XIRP2: variants seen among roughly 807,000 people sequenced by gnomAD.
XIRP2 encodes xin actin binding repeat containing 2, also known as xin actin-binding repeat-containing protein 2.
XIRP2 carries 236 observed loss-of-function variants against 277.0 expected under a neutral mutation model. That is an observed-to-expected ratio of 0.85 (90% CI 0.77 to 0.95). The LOEUF is 0.95. Among genes scored for constraint, XIRP2 ranks in the 40% least tolerant of loss-of-function variants. The probability of loss-of-function intolerance (pLI) is 0.00; values close to 1 mark genes in which losing one functional copy is unlikely to be tolerated. For synonymous variants in XIRP2, 1,490 were observed against 1,416.5 expected (o/e 1.05, Z -1.17); for missense variants, 4,640 against 4,157.5 (o/e 1.12, Z -3.19).
intron 2 of XIRP2, among the ~76,000 whole-genome samples, chr2:166,930,206 T>C (rs1322370318): frequency 6.6e-6 from 1 of 152,130 alleles, no homozygotes; most frequent in Non-Finnish European, 1.5e-5. Context: ...ATGGGATGCA[T>C]AGTAGCACCC....
At chr2:166,953,534 C>T (rs1686089739) in intron 2 of XIRP2, among the ~76,000 whole-genome samples, 3 of 151,890 alleles carry the variant, frequency 2.0e-5, no homozygotes, top group Admixed American at 1.3e-4. Context: ...AGAAATAGTT[C>T]AATTCCATTT....
chr2:167,184,187 C>A (rs1021746130), intron 3 of XIRP2, among the ~76,000 whole-genome samples: 3 of 152,160 alleles, frequency 2.0e-5, no homozygotes, highest in Admixed American at 6.5e-5. Context: ...CTGCTAGGGC[C>A]AAGACAGATT....
chr2:167,008,829 T>C (rs1044845429), intron 2 of XIRP2, among the ~76,000 whole-genome samples: 2 of 151,458 alleles, frequency 1.3e-5, no homozygotes, highest in Admixed American at 6.6e-5. Flanking sequence ...AATTTTATAT[T>C]TCATATTTTC....
At chr2:167,107,373 C>A (rs1448720725) in intron 2 of XIRP2, among the ~76,000 whole-genome samples, 3 of 151,818 alleles carry the variant, frequency 2.0e-5, no homozygotes, top group Non-Finnish European at 4.4e-5. Flanking sequence ...TTGTGGAAGT[C>A]TTCCTCAATT....
intron 2 of XIRP2, among the ~76,000 whole-genome samples, chr2:167,041,968 C>T (rs1191190954): frequency 6.6e-6 from 1 of 152,110 alleles, no homozygotes; most frequent in Non-Finnish European, 1.5e-5. Context: ...TAAAGGGAAC[C>T]CTATCAGGCT....
At chr2:167,237,876 G>T (rs1049359317) in intron 5 of XIRP2, among the ~76,000 whole-genome samples, 1 of 152,162 alleles carries the variant, frequency 6.6e-6, no homozygotes, top group African/African-American at 2.4e-5. Flanking sequence ...TGTCACAGAG[G>T]TAAAGAGCTG....
Position 166,902,235 on chromosome 2 carries a change from G to A in XIRP2, c.-18-1230G>A, listed in dbSNP as rs570758432. Among the ~76,000 whole-genome samples the A allele has an allele frequency of 4.6e-5, 7 of 152,070 alleles. No homozygotes were observed. In the South Asian group the frequency reaches 1.0e-3, roughly 23 times the overall value. ...ATTATCTTTAAAAGTGAAGGAGTTC[G>A]GAGTAGAAAATATCACCAGGCAGTT... On this transcript the variant is annotated intron_variant, in intron 1 of 10. Transcript: ENST00000409195.
chr2:167,125,745 C>T (rs1383704184), intron 2 of XIRP2, among the ~76,000 whole-genome samples: 3 of 152,030 alleles, frequency 2.0e-5, no homozygotes, highest in African/African-American at 7.2e-5. Context: ...TTTTCTGGTT[C>T]TTTATTGTTG....
At chr2:167,193,876 T>C (rs117479403) in intron 3 of XIRP2, among the ~76,000 whole-genome samples, 1,017 of 98,628 alleles carry the variant, frequency 0.01, 32 homozygotes, top group East Asian at 0.099. Context: ...TGAGACTCTG[T>C]CTCAAAAAAA....
chr2:166,902,029 C>T (rs904128437), intron 1 of XIRP2, among the ~76,000 whole-genome samples: 8 of 151,992 alleles, frequency 5.3e-5, no homozygotes, highest in African/African-American at 1.9e-4. Context: ...AAGTTTTATA[C>T]GCATCATCAA....
chr2:166,997,377 T>C (rs1687248208), intron 2 of XIRP2, among the ~76,000 whole-genome samples: 1 of 152,180 alleles, frequency 6.6e-6, no homozygotes. Context: ...AATTAATAAC[T>C]CACATAACCT....
chr2:167,247,755 T>C lies in XIRP2; in HGVS notation c.6363T>C (p.Val2121=). The change falls in exon 9 of 11, where the codon GTT becomes GTC. Residue 2121 remains valine, a synonymous_variant. Transcript: ENST00000409195. The stretch of plus-strand genomic sequence containing the variant: ...CCATCCAATCTGCTGGTAAAACCGT[T>C]GGAAAGCAACAGACATATGAACTGA... ...FNSIQSAGKT[V]GKQQTYELRN... is the part of the protein sequence containing the mutation. 6.2e-7 allele frequency: 1 copy of C among 1,613,474 alleles called. No homozygotes were observed. The highest frequency in any genetic ancestry group is 8.5e-7 in the Non-Finnish European group (1 of 1,179,680).
At chr2:167,079,139 C>T (rs912974539) in intron 2 of XIRP2, among the ~76,000 whole-genome samples, 1 of 152,074 alleles carries the variant, frequency 6.6e-6, no homozygotes, top group African/African-American at 2.4e-5. Flanking sequence ...GTTTCTAATT[C>T]TTTTTTGTGA....
chr2:167,235,923 T>A (rs962423025), intron 5 of XIRP2, among the ~76,000 whole-genome samples: 2 of 151,986 alleles, frequency 1.3e-5, no homozygotes, highest in African/African-American at 4.8e-5. Context: ...ATTGCTATGC[T>A]CATCACTTAA....
At chr2:167,076,604 G>A (rs1050051338) in intron 2 of XIRP2, among the ~76,000 whole-genome samples, 1 of 152,148 alleles carries the variant, frequency 6.6e-6, no homozygotes, top group Non-Finnish European at 1.5e-5. Flanking sequence ...ATAAGCTTTA[G>A]AGACATTCTT....
chr2:166,912,915 A>G lies in XIRP2; in HGVS notation c.408+9025A>G, dbSNP rs541404311. On this transcript the variant is annotated intron_variant, in intron 2 of 10. Transcript: ENST00000409195. ...GTATCAGCAGCAGAGGCTGCAGAAC[A>G]GTGAGTATTGCTGAACAGCAAATGT... Among the ~76,000 whole-genome samples, 5 of 152,314 alleles carry G rather than the reference A, an allele frequency of 3.3e-5. No homozygotes were observed. In the East Asian group the frequency reaches 9.6e-4, roughly 29 times the overall value.
At chr2:167,127,185 C>G (rs1381040645) in intron 2 of XIRP2, among the ~76,000 whole-genome samples, 1 of 152,144 alleles carries the variant, frequency 6.6e-6, no homozygotes, top group Non-Finnish European at 1.5e-5. Context: ...GTGTTCATGA[C>G]TTTGCACTCT....
chr2:167,103,930 T>G (rs906526960), intron 2 of XIRP2, among the ~76,000 whole-genome samples: 1 of 152,204 alleles, frequency 6.6e-6, no homozygotes, highest in Non-Finnish European at 1.5e-5. Flanking sequence ...TTTGTTTTTC[T>G]GCTCTAATCT....
intron 2 of XIRP2, among the ~76,000 whole-genome samples, chr2:166,985,443 T>G (rs570164621): frequency 9.2e-5 from 14 of 151,992 alleles, no homozygotes; most frequent in Non-Finnish European, 1.9e-4. Context: ...TTCTTTCTTT[T>G]TTTTTTTTGG....
Sources: allele counts gnomAD v4.1 joint callset (sites outside exome capture counted in the v4.1 genomes callset), GRCh38; gene constraint gnomAD v4.1.1; transcripts MANE v1.5; gene names NCBI Gene and HGNC (gene_info 2026-07-23, HGNC 2026-07-21).